ZEB1: variants seen among roughly 807,000 people sequenced by gnomAD.
ZEB1 encodes the protein zinc finger E-box-binding homeobox 1.
In ZEB1, 21 loss-of-function variants were observed where a neutral mutation model predicts 84.9. The ratio of observed to expected loss-of-function variants is 0.25; its 90% confidence interval spans 0.18 to 0.36. The LOEUF is 0.36. Among genes scored for constraint, ZEB1 ranks in the 10% least tolerant of loss-of-function variants. ZEB1 has a pLI of 1.00. For missense variants in ZEB1, 1,104 were observed against 1,330.2 expected (o/e 0.83, Z 2.65); for synonymous variants, 420 against 471.1 (o/e 0.89, Z 1.41).
rs764632350 is a variant in ZEB1, at chr10:31,502,335, G to A, written c.323-13G>A. ...GGTGAGATTGCTGTCTTAAAAGTAT[G>A]CATTTTTTTTAGTAAAAGATGATGA... is the stretch of plus-strand genomic sequence containing the variant. On this transcript the variant is annotated splice_polypyrimidine_tract_variant and intron_variant, in intron 3 of 8. Transcript: ENST00000424869. 5 of 1,613,180 alleles carry A rather than the reference G, an allele frequency of 3.1e-6. No homozygotes were observed. The East Asian group carries it at 1.1e-4, about 36-fold the overall frequency.
intron 2 of ZEB1, among the ~76,000 whole-genome samples, chr10:31,481,128 A>C (rs899423045): frequency 6.6e-6 from 1 of 152,092 alleles, no homozygotes; most frequent in Non-Finnish European, 1.5e-5. Context: ...ATAACAAGTA[A>C]GTAAATATGT....
chr10:31,484,890 T>C (rs1459149184), intron 2 of ZEB1, among the ~76,000 whole-genome samples: 1 of 151,960 alleles, frequency 6.6e-6, no homozygotes, highest in African/African-American at 2.4e-5. Flanking sequence ...AATTAGGTTA[T>C]CATGTAATCC....
At chr10:31,470,146 A>C (rs537111798) in intron 2 of ZEB1, among the ~76,000 whole-genome samples, 194 of 152,184 alleles carry the variant, frequency 1.3e-3, no homozygotes, top group South Asian at 6.0e-3. Context: ...AACTCTAAAA[A>C]GCAGAGCGCC....
intron 1 of ZEB1, among the ~76,000 whole-genome samples, chr10:31,356,315 C>T (rs957916532): frequency 2.6e-5 from 4 of 151,176 alleles, no homozygotes; most frequent in Admixed American, 6.6e-5. Flanking sequence ...CTGATTTATA[C>T]ATAAAACACA....
intron 1 of ZEB1, among the ~76,000 whole-genome samples, chr10:31,416,250 A>G (rs1398070829): frequency 6.6e-6 from 1 of 152,058 alleles, no homozygotes; most frequent in Admixed American, 6.6e-5. Flanking sequence ...TTAGTTCTAA[A>G]TATATTTATA....
intron 1 of ZEB1, among the ~76,000 whole-genome samples, chr10:31,327,064 T>C (rs2035651430): frequency 6.6e-6 from 1 of 151,826 alleles, no homozygotes; most frequent in East Asian, 1.9e-4. Flanking sequence ...AAGTGCTACT[T>C]TGCTCTATCA....
chr10:31,483,332 C>G (rs1008063052), intron 2 of ZEB1, among the ~76,000 whole-genome samples: 1 of 151,970 alleles, frequency 6.6e-6, no homozygotes, highest in Non-Finnish European at 1.5e-5. Context: ...GAGGCTCAGA[C>G]AGGTTAAATA....
At chr10:31,513,264 T>A (rs1187313033) in intron 5 of ZEB1, among the ~76,000 whole-genome samples, 1 of 151,900 alleles carries the variant, frequency 6.6e-6, no homozygotes, top group East Asian at 1.9e-4. Context: ...GGTACATGAG[T>A]AAGAGGGTAA....
At chr10:31,431,148 C>A (rs574959692) in intron 1 of ZEB1, among the ~76,000 whole-genome samples, 1 of 152,282 alleles carries the variant, frequency 6.6e-6, no homozygotes, top group South Asian at 2.1e-4. Context: ...CCTAAACTGG[C>A]AGAGAGCTTG....
At chr10:31,437,569 A>C (rs372829649) in intron 1 of ZEB1, among the ~76,000 whole-genome samples, 5 of 152,162 alleles carry the variant, frequency 3.3e-5, no homozygotes, top group African/African-American at 1.2e-4. Flanking sequence ...TTCTTTACAA[A>C]ACTAGGCTCA....
At chr10:31,397,790 T>C (rs2051078022) in intron 1 of ZEB1, among the ~76,000 whole-genome samples, 1 of 152,198 alleles carries the variant, frequency 6.6e-6, no homozygotes, top group African/African-American at 2.4e-5. Flanking sequence ...GCCCTCAAAG[T>C]CTATGGTATT....
chr10:31,369,459 T>A (rs1378547580), intron 1 of ZEB1, among the ~76,000 whole-genome samples: 1 of 152,232 alleles, frequency 6.6e-6, no homozygotes, highest in East Asian at 1.9e-4. Context: ...ATATGGTATT[T>A]GTTTTTCTCT....
chr10:31,379,508 T>C (rs150374513), intron 1 of ZEB1, among the ~76,000 whole-genome samples: 1 of 152,128 alleles, frequency 6.6e-6, no homozygotes, highest in Non-Finnish European at 1.5e-5. Context: ...AGTAACAGTA[T>C]GTGCAAGTCA....
chr10:31,327,066 G>A (rs756260713), intron 1 of ZEB1, among the ~76,000 whole-genome samples: 10 of 143,166 alleles, frequency 7.0e-5, no homozygotes, highest in Non-Finnish European at 1.5e-4. Flanking sequence ...GTGCTACTTT[G>A]CTCTATCATT....
intron 1 of ZEB1, 142 bp downstream of exon 1, chr10:31,319,434 GCT>G: frequency 1.3e-6 from 1 of 793,216 alleles, no homozygotes; most frequent in Non-Finnish European, 2.1e-6. Context: ...AGAAAGTAGT[GCT>G]CTCTGCCCCC....
chr10:31,325,760 G>C (rs1484993240), intron 1 of ZEB1, among the ~76,000 whole-genome samples: 2 of 151,456 alleles, frequency 1.3e-5, no homozygotes, highest in African/African-American at 2.4e-5. Flanking sequence ...AAAGTCCTCT[G>C]TTTTCTCTTT....
At chr10:31,321,145 C>G in intron 1 of ZEB1, 5 of 1,042,324 alleles carry the variant, frequency 4.8e-6, no homozygotes, top group Non-Finnish European at 5.8e-6. Flanking sequence ...TTTCTCCCTC[C>G]CCTCTGGGAT....
chr10:31,387,202 G>A (rs2048783806), intron 1 of ZEB1: 1 of 985,726 alleles, frequency 1.0e-6, no homozygotes, highest in South Asian at 4.7e-5. Context: ...ATCTTTTTCA[G>A]TGTTCTTGGA....
At chr10:31,425,276 T>G (rs1026458937) in intron 1 of ZEB1, among the ~76,000 whole-genome samples, 1 of 152,072 alleles carries the variant, frequency 6.6e-6, no homozygotes, top group African/African-American at 2.4e-5. Flanking sequence ...GGAAAGCATT[T>G]TTAAAATTTT....
Sources: allele counts gnomAD v4.1 joint callset (sites outside exome capture counted in the v4.1 genomes callset), GRCh38; gene constraint gnomAD v4.1.1; transcripts MANE v1.5; gene names NCBI Gene and HGNC (gene_info 2026-07-23, HGNC 2026-07-21).